Variants in SCD observed in about 807,000 individuals in gnomAD.
The protein encoded by SCD is stearoyl-CoA desaturase.
In SCD, 4 loss-of-function variants were observed where a neutral mutation model predicts 35.7. The ratio of observed to expected loss-of-function variants is 0.11; its 90% CI spans 0.06 to 0.26. The LOEUF (loss-of-function observed/expected upper bound fraction) is 0.26. Ranked by LOEUF, SCD falls within the 10% of genes least tolerant of loss-of-function variation. The pLI, the probability that SCD is intolerant of heterozygous loss-of-function variation, is 1.00. For synonymous variants in SCD, 150 were observed against 170.2 expected (o/e 0.88, Z 0.92); for missense variants, 282 against 460.7 (o/e 0.61, Z 3.55).
chr10:100,352,221 G>T lies in SCD; in HGVS notation c.311-145G>T. The T allele has an allele frequency of 1.5e-6, 1 of 678,964 alleles. No individual in the cohort carries two copies. Among genetic ancestry groups the T allele is most frequent in the Non-Finnish European group, 2.4e-6 (1 of 411,602 alleles). 42.1% of individuals were successfully genotyped at this position (678,964 alleles called of 1,614,324 possible). On this transcript the variant is annotated intron_variant, in intron 2 of 5. Transcript: ENST00000370355. This position sits in a 1 kb window ranked among gnomAD's most constrained non-coding sequence, Gnocchi z 4.2. ...TCAAGTGGTAAAATCTAAGGGATGT[G>T]GTTATCCCTAGAGTTCATGGTAAAG... is the stretch of plus-strand genomic sequence containing the variant.
intron 4 of SCD, among the ~76,000 whole-genome samples, chr10:100,355,672 G>A (rs1056947170): frequency 6.6e-6 from 1 of 152,210 alleles, no homozygotes; most frequent in Non-Finnish European, 1.5e-5. Context: ...CCCTGCTAGC[G>A]AAGCAGTGGC....
chr10:100,359,047 A>G (rs1469157061), intron 5 of SCD, among the ~76,000 whole-genome samples: 2 of 152,216 alleles, frequency 1.3e-5, no homozygotes, highest in Non-Finnish European at 2.9e-5. Flanking sequence ...AATAAATCAT[A>G]TACACTGTAT....
intron 3 of SCD, among the ~76,000 whole-genome samples, chr10:100,353,771 A>T (rs1232207107): frequency 6.6e-6 from 1 of 152,230 alleles, no homozygotes; most frequent in African/African-American, 2.4e-5. Context: ...CCACATTTGC[A>T]TGATCATCTC....
At chr10:100,359,632 T>C (rs1849969134) in intron 5 of SCD, among the ~76,000 whole-genome samples, 1 of 152,140 alleles carries the variant, frequency 6.6e-6, no homozygotes, top group African/African-American at 2.4e-5. Flanking sequence ...AGAGAGGACA[T>C]ACCTTGAAAT....
intron 5 of SCD, among the ~76,000 whole-genome samples, chr10:100,358,588 G>C (rs1201040425): frequency 8.7e-6 from 1 of 114,702 alleles, no homozygotes; most frequent in Non-Finnish European, 1.7e-5. Flanking sequence ...GACAGAGCGA[G>C]ACTCCGTCTC....
At chr10:100,360,226 T>A (rs998378247) in intron 5 of SCD, among the ~76,000 whole-genome samples, 1 of 152,158 alleles carries the variant, frequency 6.6e-6, no homozygotes, top group Admixed American at 6.5e-5. Context: ...ATAGCCAGAG[T>A]GCTTCATTCT....
chr10:100,357,504 T>C (rs995464434), intron 5 of SCD, among the ~76,000 whole-genome samples: 5 of 152,160 alleles, frequency 3.3e-5, no homozygotes, highest in Admixed American at 6.5e-5. Flanking sequence ...TATTTTTCTC[T>C]CTTCTACTTC....
At chr10:100,354,140 C>T (rs1849901307) in intron 3 of SCD, among the ~76,000 whole-genome samples, 1 of 152,238 alleles carries the variant, frequency 6.6e-6, no homozygotes, top group Non-Finnish European at 1.5e-5. Flanking sequence ...TCTTGAAACT[C>T]TCTGAGCTCT....
At chr10:100,357,212 A>T (rs1849937316) in intron 5 of SCD, among the ~76,000 whole-genome samples, 1 of 152,200 alleles carries the variant, frequency 6.6e-6, no homozygotes, top group South Asian at 2.1e-4. Flanking sequence ...AGCACCTTAG[A>T]GTTTTCCTTT....
chr10:100,356,492 G>C lies in SCD; in HGVS notation c.648-40G>C. The stretch of plus-strand genomic sequence containing the variant: ...TGTGGAAGATCCATGTAGGTGTGGA[G>C]TCCCCCTCCATTGACCTGGTGTCTG... On this transcript the variant is annotated intron_variant, in intron 4 of 5. Coordinates refer to ENST00000370355, the MANE Select transcript of SCD (RefSeq NM_005063.5). This position sits in a 1 kb window ranked among gnomAD's most constrained non-coding sequence, Gnocchi z 4.1. The C allele has an allele frequency of 6.9e-7, 1 of 1,456,990 alleles. No homozygotes were observed. The highest frequency in any genetic ancestry group is 9.6e-7 in the Non-Finnish European group (1 of 1,037,108). 90.3% of individuals were successfully genotyped at this position (1,456,990 alleles called of 1,614,324 possible). A position where few individuals can be genotyped will look rare whatever the true frequency, so the allele number is the denominator to read the frequency against.
In SCD at chr10:100,356,863, A is replaced by G. The variant is rs1313544036; in HGVS notation, c.880+99A>G. 2.3e-5 allele frequency: 21 copies of G among 913,474 alleles called. No individual in the cohort carries two copies. The highest frequency in any genetic ancestry group is 3.3e-5 in the African/African-American group (2 of 60,088). 56.6% of individuals were successfully genotyped at this position (913,474 alleles called of 1,614,324 possible). On this transcript the variant is annotated intron_variant, in intron 5 of 5. Coordinates refer to ENST00000370355, the MANE Select transcript of SCD (RefSeq NM_005063.5). This position sits in a 1 kb window ranked among gnomAD's most constrained non-coding sequence, Gnocchi z 4.1. ...CTAGATAAATCTGTTTTTTATGGCT[A>G]CTTTGTATCTCAGTTTTTCCACTAT...
chr10:100,349,068 C>A (rs531815566), intron 2 of SCD, among the ~76,000 whole-genome samples: 2 of 152,332 alleles, frequency 1.3e-5, no homozygotes, highest in Admixed American at 6.5e-5. Flanking sequence ...TTCAGGCCCC[C>A]CTACTGATGC....
intron 3 of SCD, among the ~76,000 whole-genome samples, chr10:100,353,462 G>A (rs1226076368): frequency 6.6e-6 from 1 of 151,978 alleles, no homozygotes; most frequent in African/African-American, 2.4e-5. Flanking sequence ...GCGGGCACCT[G>A]TAGTCCCAGC....
chr10:100,357,577 G>A (rs1221889858), intron 5 of SCD, among the ~76,000 whole-genome samples: 2 of 152,156 alleles, frequency 1.3e-5, no homozygotes, highest in African/African-American at 4.8e-5. Flanking sequence ...ATAAAGCAGT[G>A]TGATCACAAG....
At chr10:100,359,631 A>G (rs949219445) in intron 5 of SCD, among the ~76,000 whole-genome samples, 6 of 152,116 alleles carry the variant, frequency 3.9e-5, no homozygotes, top group Admixed American at 3.9e-4. Flanking sequence ...GAGAGAGGAC[A>G]TACCTTGAAA....
intron 2 of SCD, among the ~76,000 whole-genome samples, chr10:100,350,611 T>C (rs1849860733): frequency 6.6e-6 from 1 of 152,228 alleles, no homozygotes; most frequent in African/African-American, 2.4e-5. Flanking sequence ...GCCCTTCTAT[T>C]TGATAGGCTT....
At position 100,355,007 on chromosome 10, in the gene SCD, T is replaced by G. The variant is rs922620325; in HGVS notation, c.647+375T>G. On this transcript the variant is annotated intron_variant, in intron 4 of 5. Coordinates refer to ENST00000370355, the MANE Select transcript of SCD (RefSeq NM_005063.5). Reference sequence around the variant, plus strand: ...GTGCAGTGGCACAATCATGGCTCACTGCAGCCTTGACTTCCCAGGCTCAAG... The same window carrying G: ...GTGCAGTGGCACAATCATGGCTCACGGCAGCCTTGACTTCCCAGGCTCAAG... Among the ~76,000 whole-genome samples, 5 of 152,202 alleles carry G rather than the reference T, an allele frequency of 3.3e-5. 1 individual carries two copies. The highest frequency in any genetic ancestry group is 4.4e-5 in the Non-Finnish European group (3 of 68,042).
At position 100,347,418 on chromosome 10, in the gene SCD, C is replaced by T; in HGVS notation, c.-87C>T. 1 of 1,452,898 alleles carries T rather than the reference C, an allele frequency of 6.9e-7. No individual in the cohort carries two copies. Among genetic ancestry groups the T allele is most frequent in the Admixed American group, 2.0e-5 (1 of 51,178 alleles). 90.0% of individuals were successfully genotyped at this position (1,452,898 alleles called of 1,614,324 possible). A position where few individuals can be genotyped will look rare whatever the true frequency, so the allele number is the denominator to read the frequency against. On this transcript the variant is annotated 5_prime_UTR_variant, in exon 1 of 6. Coordinates refer to ENST00000370355, the MANE Select transcript of SCD (RefSeq NM_005063.5). ...CCGCGGCTCAGCGCGTACCGGCGGG[C>T]TTCGAAACCGCAGTCCTCCGGCGAC...
rs150416868 is a variant in SCD at position 100,348,179 on chromosome 10, C to G, written c.143C>G (p.Pro48Arg). The G allele has an allele frequency of 1.3e-3, 2,141 of 1,613,918 alleles. 4 individuals are homozygous for G. Among genetic ancestry groups the G allele is most frequent in the Non-Finnish European group, 1.2e-3 (1,443 of 1,179,936 alleles). The change falls in exon 2 of 6, where the codon CCT becomes CGT. Residue 48 changes from proline (P) to arginine (R), a missense_variant. Transcript: ENST00000370355. ...CTCTACTTGGAAGACGACATTCGCC[C>G]TGATATAAAAGATGATATATATGAC... ...MPLYLEDDIR[P>R]DIKDDIYDPT...
Sources: gnomAD v4.1 joint callset for allele counts (sites outside exome capture counted in the v4.1 genomes callset) on GRCh38, gnomAD v4.1.1 for gene constraint, Gnocchi (gnomAD v3.1) non-coding constraint, MANE v1.5 for transcripts, NCBI Gene and HGNC (gene_info 2026-07-23, HGNC 2026-07-21) for gene names.